MBOAT2: variants seen among roughly 807,000 people sequenced by gnomAD.
MBOAT2 encodes membrane bound glycerophospholipid O-acyltransferase 2, also known as membrane-bound glycerophospholipid O-acyltransferase 2.
In MBOAT2, 28 loss-of-function variants were observed where a neutral mutation model predicts 63.4. That is an observed-to-expected ratio of 0.44 (90% confidence interval 0.33 to 0.61). The LOEUF is 0.61. Ranked by LOEUF, MBOAT2 falls within the 20% of genes least tolerant of loss-of-function variation. The pLI is 0.03. For synonymous variants in MBOAT2, 211 were observed against 215.6 expected (o/e 0.98, Z 0.19); for missense variants, 470 against 605.8 (o/e 0.78, Z 2.35).
chr2:8,864,110 G>A lies in MBOAT2; in HGVS notation c.1052+60C>T, dbSNP rs932996762. 4.2e-6 allele frequency: 5 copies of A among 1,191,626 alleles called. No individual in the cohort carries two copies. The African/African-American group carries it at 6.3e-5, about 15-fold the overall frequency. 73.8% of individuals were successfully genotyped at this position (1,191,626 alleles called of 1,614,324 possible). On this transcript the variant is annotated intron_variant, in intron 10 of 12. Coordinates refer to ENST00000305997, the MANE Select transcript of MBOAT2 (RefSeq NM_138799.4). Reference sequence around the variant, plus strand: ...TAATCAAGAACCTGAACTCAATGAAGCTCAACCTCGAGAACTAGACGCCAA... The same window carrying A: ...TAATCAAGAACCTGAACTCAATGAAACTCAACCTCGAGAACTAGACGCCAA...
chr2:8,948,523 C>T (rs1345328054), intron 2 of MBOAT2, among the ~76,000 whole-genome samples: 5 of 152,144 alleles, frequency 3.3e-5, no homozygotes, highest in Non-Finnish European at 5.9e-5. Context: ...CCCCAGTGAC[C>T]ACTGCTGCCA....
At chr2:8,990,862 C>T (rs561845037) in intron 1 of MBOAT2, among the ~76,000 whole-genome samples, 33 of 152,226 alleles carry the variant, frequency 2.2e-4, no homozygotes, top group African/African-American at 7.5e-4. Context: ...CTAGTCTCAT[C>T]GTACAAGAAA....
chr2:8,947,951 T>C (rs1668539783), intron 2 of MBOAT2, among the ~76,000 whole-genome samples: 1 of 152,210 alleles, frequency 6.6e-6, no homozygotes, highest in Admixed American at 6.5e-5. Context: ...TAGATAGTGA[T>C]TCCTCTGACG....
chr2:8,873,335 T>G (rs770904362), intron 7 of MBOAT2, 35 bp from the exon 8 acceptor site: 1 of 1,592,052 alleles, frequency 6.3e-7, no homozygotes, highest in South Asian at 1.1e-5. Flanking sequence ...ATCAACTTTA[T>G]CCATGCTCCT....
At chr2:8,930,892 T>C (rs1396463753) in intron 3 of MBOAT2, among the ~76,000 whole-genome samples, 2 of 152,202 alleles carry the variant, frequency 1.3e-5, no homozygotes, top group Non-Finnish European at 2.9e-5. Flanking sequence ...ACTGGCTACC[T>C]GCTCGGGACC....
At chr2:8,983,533 T>G (rs1671346106) in intron 1 of MBOAT2, among the ~76,000 whole-genome samples, 1 of 152,168 alleles carries the variant, frequency 6.6e-6, no homozygotes, top group South Asian at 2.1e-4. Context: ...GAAGGAATAT[T>G]TCTCAATTCA....
intron 10 of MBOAT2, among the ~76,000 whole-genome samples, chr2:8,863,493 A>C (rs918693479): frequency 6.6e-6 from 1 of 151,966 alleles, no homozygotes; most frequent in African/African-American, 2.4e-5. Flanking sequence ...CTGTTACTCC[A>C]CCCAGCCTGG....
chr2:8,859,594 CTTAT>C (rs1661347294), intron 12 of MBOAT2, among the ~76,000 whole-genome samples: 2 of 152,148 alleles, frequency 1.3e-5, no homozygotes, highest in African/African-American at 4.8e-5. Context: ...TGTAGCAGGA[CTTAT>C]TTAATGTCTT....
chr2:8,856,062 C>T lies in MBOAT2; in HGVS notation c.*2617G>A, dbSNP rs1291001683. ...TTCTCCAAACTAGAGGAGAGATATC[C>T]AAAAACCATTTCATGAAAATAACTA... On this transcript the variant is annotated 3_prime_UTR_variant, in exon 13 of 13. Coordinates refer to ENST00000305997, the MANE Select transcript of MBOAT2 (RefSeq NM_138799.4). This position sits in a 1 kb window ranked among gnomAD's most constrained non-coding sequence, Gnocchi z 4.2. 1 of 151,972 alleles carries T rather than the reference C, an allele frequency of 6.6e-6. No homozygotes were observed. The allele number at this position is 151,972 out of a possible 1,614,324, so 9.4% of individuals were successfully genotyped here.
intron 1 of MBOAT2, among the ~76,000 whole-genome samples, chr2:9,002,773 T>A (rs1335678699): frequency 6.6e-6 from 1 of 152,220 alleles, no homozygotes; most frequent in Non-Finnish European, 1.5e-5. Flanking sequence ...CAAACTCGAT[T>A]GGCCTCATTT....
chr2:8,991,343 A>G (rs1043499012), intron 1 of MBOAT2, among the ~76,000 whole-genome samples: 9 of 152,310 alleles, frequency 5.9e-5, no homozygotes, highest in African/African-American at 1.9e-4. Flanking sequence ...GTAATACTGG[A>G]TCTGCAAAAA....
At chr2:8,924,419 T>C (rs1666797761) in intron 3 of MBOAT2, among the ~76,000 whole-genome samples, 1 of 152,176 alleles carries the variant, frequency 6.6e-6, no homozygotes, top group African/African-American at 2.4e-5. Context: ...TTCTACGAAG[T>C]GTGGGCTTGC....
intron 3 of MBOAT2, among the ~76,000 whole-genome samples, chr2:8,926,602 C>T (rs942322303): frequency 7.9e-5 from 12 of 152,112 alleles, no homozygotes; most frequent in African/African-American, 2.9e-4. Context: ...CTGGCTCAGT[C>T]GAGGAGCGAG....
rs909245899 is a variant in MBOAT2, at chr2:8,856,949, C to T, written c.*1730G>A. On this transcript the variant is annotated 3_prime_UTR_variant, in exon 13 of 13. Coordinates refer to ENST00000305997, the MANE Select transcript of MBOAT2 (RefSeq NM_138799.4). The surrounding 1 kb of genome is among the most constrained non-coding windows in gnomAD (Gnocchi z 4.2). ...AGCCTTATCAGCCGGAAAACACTTA[C>T]TTTTAGATAAATAAAAATAGATTAG... The T allele has an allele frequency of 6.6e-6, 1 of 152,312 alleles. No homozygotes were observed. Among genetic ancestry groups the T allele is most frequent in the African/African-American group, 2.4e-5 (1 of 41,444 alleles). The allele number at this position is 152,312 out of a possible 1,614,324, so 9.4% of individuals were successfully genotyped here. A position where few individuals can be genotyped will look rare whatever the true frequency, so the allele number is the denominator to read the frequency against.
chr2:8,855,454 A>AT lies in MBOAT2; in HGVS notation c.*3224dup, dbSNP rs1298290194. ...TCTAGAAACCTCCTTTTTACTGCACATTTTTCTCAAAAGTGGTATGTTTGG... is the reference window on the plus strand; with the variant it reads ...TCTAGAAACCTCCTTTTTACTGCACATTTTTTCTCAAAAGTGGTATGTTTGG... On this transcript the variant is annotated 3_prime_UTR_variant, in exon 13 of 13. Coordinates refer to ENST00000305997, the MANE Select transcript of MBOAT2 (RefSeq NM_138799.4). 2 of 152,188 alleles carry AT rather than the reference A, an allele frequency of 1.3e-5. No homozygotes were observed. Among genetic ancestry groups the AT allele is most frequent in the Non-Finnish European group, 2.9e-5 (2 of 68,036 alleles). 9.4% of individuals were successfully genotyped at this position (152,188 alleles called of 1,614,324 possible).
At position 8,888,008 on chromosome 2, in the gene MBOAT2, G is replaced by T; in HGVS notation, c.451+10C>A. The T allele has an allele frequency of 6.2e-7, 1 of 1,610,174 alleles. No homozygotes were observed. The highest frequency in any genetic ancestry group is 8.5e-7 in the Non-Finnish European group (1 of 1,176,942). ...TTTTCAGCAATAAAAATTAATTTCA[G>T]AATTCTTACCATCATGAATTTCGCA... On this transcript the variant is annotated intron_variant, in intron 5 of 12. Coordinates refer to ENST00000305997, the MANE Select transcript of MBOAT2 (RefSeq NM_138799.4).
intron 2 of MBOAT2, among the ~76,000 whole-genome samples, chr2:8,944,700 CT>C (rs1668292377): frequency 6.6e-6 from 1 of 151,248 alleles, no homozygotes. Flanking sequence ...TAATGTTGGC[CT>C]TTTTTTAATA....
intron 1 of MBOAT2, among the ~76,000 whole-genome samples, chr2:8,963,974 T>C (rs1304687223): frequency 1.3e-5 from 2 of 152,198 alleles, no homozygotes; most frequent in Non-Finnish European, 2.9e-5. Flanking sequence ...CAGGTACCCT[T>C]ACTCCAGAGC....
intron 1 of MBOAT2, among the ~76,000 whole-genome samples, chr2:9,001,449 T>C (rs1038152850): frequency 6.6e-6 from 1 of 152,234 alleles, no homozygotes; most frequent in Middle Eastern, 3.4e-3. Context: ...TGACTACAGC[T>C]TTACTAGGCA....
Sources: allele counts gnomAD v4.1 joint callset (sites outside exome capture counted in the v4.1 genomes callset), GRCh38; gene constraint gnomAD v4.1.1; non-coding constraint Gnocchi (gnomAD v3.1); transcripts MANE v1.5; gene names NCBI Gene and HGNC (gene_info 2026-07-23, HGNC 2026-07-21).